Variants in TAF1B observed in about 807,000 individuals in gnomAD.
TAF1B encodes TATA-box binding protein associated factor, RNA polymerase I subunit B.
TAF1B carries 61 observed loss-of-function variants against 83.9 expected under a neutral mutation model. That is an observed-to-expected ratio of 0.73 (90% CI 0.59 to 0.90). The LOEUF (loss-of-function observed/expected upper bound fraction) is 0.90. Among genes scored for constraint, TAF1B ranks in the 40% least tolerant of loss-of-function variants. TAF1B has a pLI of 0.00. For missense variants in TAF1B, 625 were observed against 677.0 expected (o/e 0.92, Z 0.85); for synonymous variants, 221 against 224.6 (o/e 0.98, Z 0.14).
intron 8 of TAF1B, among the ~76,000 whole-genome samples, 196 bp downstream of exon 8, chr2:9,883,001 A>G (rs1664560685): frequency 6.6e-6 from 1 of 152,232 alleles, no homozygotes; most frequent in South Asian, 2.1e-4. Context: ...CCTTTAGGTT[A>G]TCCTCAAAAT....
chr2:9,915,639 C>G (rs1292976249), intron 12 of TAF1B, among the ~76,000 whole-genome samples: 2 of 152,002 alleles, frequency 1.3e-5, no homozygotes, highest in African/African-American at 2.4e-5. Context: ...CTGATCATTC[C>G]CAGTGTGGGA....
intron 7 of TAF1B, among the ~76,000 whole-genome samples, chr2:9,879,955 T>G (rs1286481130): frequency 6.6e-6 from 1 of 152,224 alleles, no homozygotes; most frequent in East Asian, 1.9e-4. Context: ...CCTGGAAGAT[T>G]GCAGCAGGAG....
At chr2:9,886,979 C>T (rs754262008) in intron 8 of TAF1B, among the ~76,000 whole-genome samples, 39 of 152,182 alleles carry the variant, frequency 2.6e-4, no homozygotes, top group Admixed American at 1.8e-3. Flanking sequence ...GCAGGAGAAT[C>T]GCTTGAACCC....
At chr2:9,853,374 A>G (rs2125136534) in intron 4 of TAF1B, among the ~76,000 whole-genome samples, 1 of 152,336 alleles carries the variant, frequency 6.6e-6, no homozygotes, top group Admixed American at 6.5e-5. Flanking sequence ...CAATGGTAAA[A>G]TGAAGCTAAT....
rs530445267 is a variant in TAF1B, at chr2:9,929,101, G to C, written c.1566-4682G>C. Among the ~76,000 whole-genome samples, 123 of 152,012 alleles carry C rather than the reference G, an allele frequency of 8.1e-4. 2 individuals are homozygous for C. The highest frequency in any genetic ancestry group is 2.8e-3 in the African/African-American group (114 of 41,416). On this transcript the variant is annotated intron_variant, in intron 14 of 14. Coordinates refer to ENST00000263663, the MANE Select transcript of TAF1B (RefSeq NM_005680.3). ...TTGAATTTTGTCGAAGGCCTCTTCT[G>C]CATCTATTGAGATAATCAGGTGGTT...
intron 6 of TAF1B, among the ~76,000 whole-genome samples, chr2:9,873,092 A>G (rs114046435): frequency 2.0e-3 from 308 of 152,322 alleles, no homozygotes; most frequent in African/African-American, 7.1e-3. Flanking sequence ...ATGGCTTTCA[A>G]ATCATTTCAC....
intron 5 of TAF1B, among the ~76,000 whole-genome samples, chr2:9,866,915 A>G (rs918688045): frequency 1.3e-5 from 2 of 151,796 alleles, no homozygotes; most frequent in Admixed American, 6.6e-5. Context: ...GAAGGGGAAC[A>G]TCCCATACCG....
At chr2:9,873,757 A>G (rs1210104600) in intron 6 of TAF1B, among the ~76,000 whole-genome samples, 1 of 151,172 alleles carries the variant, frequency 6.6e-6, no homozygotes, top group Non-Finnish European at 1.5e-5. Flanking sequence ...CTATCAGCAA[A>G]TCCTTTGACT....
At chr2:9,868,557 A>G in intron 6 of TAF1B, 128 bp downstream of exon 6, 2 of 1,284,692 alleles carry the variant, frequency 1.6e-6, no homozygotes, top group Non-Finnish European at 2.2e-6. Flanking sequence ...AGCAAGGAAG[A>G]ATGACTTGCT....
intron 5 of TAF1B, among the ~76,000 whole-genome samples, chr2:9,862,040 TCTC>T (rs35374831): frequency 0.19 from 29,073 of 151,766 alleles, 3,481 homozygotes; most frequent in Non-Finnish European, 0.27. Context: ...TCAGAACGCC[TCTC>T]CTCCAAAGGA....
At chr2:9,921,113 AT>A (rs1665865043) in intron 14 of TAF1B, among the ~76,000 whole-genome samples, 1 of 152,168 alleles carries the variant, frequency 6.6e-6, no homozygotes, top group African/African-American at 2.4e-5. Context: ...TAAGTAATTT[AT>A]GAGGTCTTGC....
At chr2:9,872,387 C>T (rs966627023) in intron 6 of TAF1B, among the ~76,000 whole-genome samples, 3 of 151,728 alleles carry the variant, frequency 2.0e-5, no homozygotes, top group African/African-American at 7.3e-5. Flanking sequence ...TTTAAGCAGT[C>T]ATCCTGGTGT....
chr2:9,921,317 C>T (rs1006555007), intron 14 of TAF1B, among the ~76,000 whole-genome samples: 21 of 152,108 alleles, frequency 1.4e-4, no homozygotes, highest in African/African-American at 3.6e-4. Flanking sequence ...GTCTCAAATG[C>T]CTGAGCTCAA....
At chr2:9,879,733 T>C in intron 7 of TAF1B, among the ~76,000 whole-genome samples, 1 of 152,210 alleles carries the variant, frequency 6.6e-6, no homozygotes, top group East Asian at 1.9e-4. Context: ...CAGATATCTG[T>C]CTTTGTAAAC....
chr2:9,845,577 A>G (rs933364084), intron 2 of TAF1B: 2 of 354,444 alleles, frequency 5.6e-6, no homozygotes, highest in African/African-American at 2.1e-5. Context: ...GAGGGAAATA[A>G]TTAAAATTGT....
intron 7 of TAF1B, among the ~76,000 whole-genome samples, chr2:9,882,027 C>T (rs192350378): frequency 6.6e-5 from 10 of 151,724 alleles, no homozygotes; most frequent in Admixed American, 3.9e-4. Flanking sequence ...GCCTATCATG[C>T]GAGGGGAGCT....
chr2:9,911,571 T>C lies in TAF1B; in HGVS notation c.1180+14T>C. On this transcript the variant is annotated intron_variant, in intron 11 of 14. Coordinates refer to ENST00000263663, the MANE Select transcript of TAF1B (RefSeq NM_005680.3). ...AGAACAAAAAAGGTATTTTAATTTT[T>C]TATCATTCAAATTCAAAGTGGTTAT... 1.3e-6 allele frequency: 2 copies of C among 1,492,568 alleles called. No individual in the cohort carries two copies. Among genetic ancestry groups the C allele is most frequent in the Non-Finnish European group, 1.8e-6 (2 of 1,107,812 alleles). 92.5% of individuals were successfully genotyped at this position (1,492,568 alleles called of 1,614,324 possible). A position where few individuals can be genotyped will look rare whatever the true frequency, so the allele number is the denominator to read the frequency against.
At chr2:9,881,808 C>G (rs1228854535) in intron 7 of TAF1B, among the ~76,000 whole-genome samples, 1 of 152,142 alleles carries the variant, frequency 6.6e-6, no homozygotes, top group Non-Finnish European at 1.5e-5. Context: ...ATAATTGACT[C>G]AAAATATTTG....
chr2:9,863,959 G>A (rs1228217124), intron 5 of TAF1B, among the ~76,000 whole-genome samples: 1 of 151,928 alleles, frequency 6.6e-6, no homozygotes, highest in Non-Finnish European at 1.5e-5. Flanking sequence ...TGTGTAGAGG[G>A]AAATTTATAG....
Sources: allele counts gnomAD v4.1 joint callset (sites outside exome capture counted in the v4.1 genomes callset), GRCh38; gene constraint gnomAD v4.1.1; transcripts MANE v1.5; gene names NCBI Gene and HGNC (gene_info 2026-07-23, HGNC 2026-07-21).